HS3ST5: variants seen among roughly 807,000 people sequenced by gnomAD.
The protein encoded by HS3ST5 is heparan sulfate-glucosamine 3-sulfotransferase 5.
In HS3ST5, 10 loss-of-function variants were observed where a neutral mutation model predicts 25.4. The observed-to-expected ratio is 0.39, with a 90% CI of 0.24 to 0.67. HS3ST5 has a LOEUF of 0.67. Ranked by LOEUF, HS3ST5 falls within the 30% of genes least tolerant of loss-of-function variation. The pLI is 0.44. For synonymous variants in HS3ST5, 170 were observed against 162.4 expected (o/e 1.05, Z -0.36); for missense variants, 324 against 420.7 (o/e 0.77, Z 2.01).
At chr6:114,141,443 G>C (rs1777894314) in intron 3 of HS3ST5, among the ~76,000 whole-genome samples, 1 of 152,120 alleles carries the variant, frequency 6.6e-6, no homozygotes, top group Admixed American at 6.5e-5. Context: ...AGCATACGAG[G>C]GGTAAGAAAA....
chr6:114,142,356 T>A (rs1777950988), intron 3 of HS3ST5, among the ~76,000 whole-genome samples: 1 of 152,100 alleles, frequency 6.6e-6, no homozygotes, highest in African/African-American at 2.4e-5. Context: ...ACGAGTAAAA[T>A]AAAGTAACAT....
rs1402013944 is a variant in HS3ST5 at position 114,067,863 on chromosome 6, T to A, written c.-32-4986A>T. On this transcript the variant is annotated intron_variant, in intron 3 of 4. Coordinates refer to ENST00000312719, the MANE Select transcript of HS3ST5 (RefSeq NM_153612.4). ...GGATTGGGAGTCAAAAGACCTTGGG[T>A]CACATTTTGGTTTGGTTTTGTAATG... Among the ~76,000 whole-genome samples the A allele has an allele frequency of 2.0e-5, 3 of 152,140 alleles. No individual in the cohort carries two copies. In the East Asian group the frequency reaches 5.8e-4, roughly 29 times the overall value.
intron 1 of HS3ST5, among the ~76,000 whole-genome samples, chr6:114,331,921 C>T (rs2114918515): frequency 6.6e-6 from 1 of 151,906 alleles, no homozygotes; most frequent in East Asian, 1.9e-4. Flanking sequence ...TAAGTGGCTA[C>T]TAATAATTGG....
intron 1 of HS3ST5, among the ~76,000 whole-genome samples, chr6:114,310,284 C>G (rs1231672839): frequency 6.6e-6 from 1 of 152,110 alleles, no homozygotes; most frequent in African/African-American, 2.4e-5. Flanking sequence ...TGAAAACGTG[C>G]CTTTACTATA....
At position 114,057,111 on chromosome 6, in the gene HS3ST5, C is replaced by T; in HGVS notation, c.*146G>A. On this transcript the variant is annotated 3_prime_UTR_variant, in exon 5 of 5. Coordinates refer to ENST00000312719, the MANE Select transcript of HS3ST5 (RefSeq NM_153612.4). ...AATTTTCAGTAGAAAAAGAACTGAT[C>T]TTATATTTGGTCACACACTGCGTAT... 1 of 565,278 alleles carries T rather than the reference C, an allele frequency of 1.8e-6. No individual in the cohort carries two copies. The highest frequency in any genetic ancestry group is 1.9e-5 in the African/African-American group (1 of 53,380). The allele number at this position is 565,278 out of a possible 1,614,324, so 35.0% of individuals were successfully genotyped here.
chr6:114,142,123 G>A (rs773153759), intron 3 of HS3ST5, among the ~76,000 whole-genome samples: 2 of 151,272 alleles, frequency 1.3e-5, no homozygotes, highest in Admixed American at 6.6e-5. Context: ...TTTGTGTACT[G>A]TCTCCTTTAT....
intron 1 of HS3ST5, among the ~76,000 whole-genome samples, chr6:114,287,229 C>CACTT (rs1298804858): frequency 6.6e-6 from 1 of 151,836 alleles, no homozygotes; most frequent in African/African-American, 2.4e-5. Flanking sequence ...TAACATTGAG[C>CACTT]ACTTACTCTG....
chr6:114,111,926 T>C (rs982891071), intron 3 of HS3ST5, among the ~76,000 whole-genome samples: 1 of 151,646 alleles, frequency 6.6e-6, no homozygotes, highest in African/African-American at 2.4e-5. Flanking sequence ...CCAGAAATTT[T>C]CTGACCTCCT....
chr6:114,210,116 G>A (rs1330861182), intron 2 of HS3ST5, among the ~76,000 whole-genome samples: 1 of 152,066 alleles, frequency 6.6e-6, no homozygotes, highest in Non-Finnish European at 1.5e-5. Context: ...AAATAAAATG[G>A]AAATGTTGCA....
At chr6:114,282,287 G>C (rs1774148859) in intron 1 of HS3ST5, among the ~76,000 whole-genome samples, 1 of 151,930 alleles carries the variant, frequency 6.6e-6, no homozygotes, top group Admixed American at 6.6e-5. Flanking sequence ...TTGCATCTTT[G>C]AACTCACTAT....
chr6:114,330,860 A>AG (rs769266403), intron 1 of HS3ST5, among the ~76,000 whole-genome samples: 1 of 152,224 alleles, frequency 6.6e-6, no homozygotes, highest in Non-Finnish European at 1.5e-5. Context: ...ACAGGCTGAT[A>AG]GAAGGGGTCT....
chr6:114,202,482 A>G lies in HS3ST5; in HGVS notation c.-145+26103T>C, dbSNP rs144383872. On this transcript the variant is annotated intron_variant, in intron 2 of 4. Transcript: ENST00000312719. Reference sequence around the variant, plus strand: ...CAAGTGCCCAGAGAGTTCCTGTTACATAGAAATAGTCAATGAATATTTGAA... The same window carrying G: ...CAAGTGCCCAGAGAGTTCCTGTTACGTAGAAATAGTCAATGAATATTTGAA... 6.2e-3 allele frequency among the ~76,000 whole-genome samples: 937 copies of G among 152,322 alleles called. 9 individuals are homozygous for G. Among genetic ancestry groups the G allele is most frequent in the African/African-American group, 0.017 (715 of 41,570 alleles).
intron 2 of HS3ST5, among the ~76,000 whole-genome samples, chr6:114,197,139 T>C (rs1006676977): frequency 8.6e-5 from 13 of 151,624 alleles, no homozygotes; most frequent in Non-Finnish European, 1.8e-4. Flanking sequence ...TTTTTTTTTT[T>C]TTGTTGTTTT....
intron 3 of HS3ST5, among the ~76,000 whole-genome samples, chr6:114,117,974 C>A (rs1241167904): frequency 6.6e-6 from 1 of 152,130 alleles, no homozygotes; most frequent in East Asian, 1.9e-4. Flanking sequence ...TTATGCTTCA[C>A]AAGGACCTAG....
chr6:114,096,158 A>G (rs56359206), intron 3 of HS3ST5, among the ~76,000 whole-genome samples: 203 of 152,296 alleles, frequency 1.3e-3, no homozygotes, highest in South Asian at 6.0e-3. Context: ...TATCCAGTGG[A>G]AAAAGCATCA....
chr6:114,193,925 TTC>T (rs1780620347), intron 2 of HS3ST5, among the ~76,000 whole-genome samples: 1 of 152,284 alleles, frequency 6.6e-6, no homozygotes, highest in East Asian at 1.9e-4. Flanking sequence ...GAATAGCTGT[TTC>T]ACAGCCCATC....
At chr6:114,266,360 T>C (rs1265738271) in intron 1 of HS3ST5, among the ~76,000 whole-genome samples, 3 of 152,150 alleles carry the variant, frequency 2.0e-5, no homozygotes, top group Admixed American at 6.6e-5. Flanking sequence ...TTAGGAAACA[T>C]TTGGCAAAAA....
At chr6:114,121,318 A>G (rs375684313) in intron 3 of HS3ST5, among the ~76,000 whole-genome samples, 1 of 152,304 alleles carries the variant, frequency 6.6e-6, no homozygotes, top group East Asian at 1.9e-4. Flanking sequence ...AGCAACCACC[A>G]CAGTGTCAAC....
At chr6:114,074,246 A>G (rs1461280826) in intron 3 of HS3ST5, among the ~76,000 whole-genome samples, 1 of 152,052 alleles carries the variant, frequency 6.6e-6, no homozygotes, top group Non-Finnish European at 1.5e-5. Context: ...ATACCTATGT[A>G]ACAAACCTGC....
Sources: gnomAD v4.1 joint callset for allele counts (sites outside exome capture counted in the v4.1 genomes callset) on GRCh38, gnomAD v4.1.1 for gene constraint, MANE v1.5 for transcripts, NCBI Gene and HGNC (gene_info 2026-07-23, HGNC 2026-07-21) for gene names.